SV2B: variants seen among roughly 807,000 people sequenced by gnomAD.
SV2B encodes the protein synaptic vesicle glycoprotein 2B.
In SV2B, 41 loss-of-function variants were observed where a neutral mutation model predicts 73.9. The observed-to-expected ratio is 0.56, with a 90% CI of 0.43 to 0.72. SV2B has a LOEUF of 0.72. SV2B is among the 30% of genes least tolerant of loss of function. The pLI is 0.00. For missense variants in SV2B, 764 were observed against 857.8 expected (o/e 0.89, Z 1.37); for synonymous variants, 314 against 314.2 (o/e 1.00, Z 0.01).
chr15:91,289,051 T>A lies in SV2B; in HGVS notation c.1709-470T>A, dbSNP rs2048955071. Among the ~76,000 whole-genome samples the A allele has an allele frequency of 6.6e-6, 1 of 152,220 alleles. No homozygotes were observed. The highest frequency in any genetic ancestry group is 6.5e-5 in the Admixed American group (1 of 15,288). On this transcript the variant is annotated intron_variant, in intron 11 of 12. Coordinates refer to ENST00000394232, the MANE Select transcript of SV2B (RefSeq NM_001323032.3). The surrounding 1 kb of genome is among the most constrained non-coding windows in gnomAD (Gnocchi z 4.9). ...ACTCATCTGTTGATGGCCACTTAGG[T>A]TGACTCCATATTTTGACTATTGTGA...
At position 91,157,045 on chromosome 15, in the gene SV2B, C is replaced by G. The variant is rs1467497417; in HGVS notation, c.-392+56682C>G. Reference sequence around the variant, plus strand: ...ACTCCCAGCTGTAGACTAAGTCAGTCAGGGAATGGTTAAGGCCCTGTGCGT... The same window carrying G: ...ACTCCCAGCTGTAGACTAAGTCAGTGAGGGAATGGTTAAGGCCCTGTGCGT... On this transcript the variant is annotated intron_variant, in intron 1 of 12. Coordinates refer to ENST00000394232, the MANE Select transcript of SV2B (RefSeq NM_001323032.3). Among the ~76,000 whole-genome samples, 5 of 152,200 alleles carry G rather than the reference C, an allele frequency of 3.3e-5. No homozygotes were observed. The East Asian group carries it at 9.6e-4, about 29-fold the overall frequency.
chr15:91,250,606 A>C (rs1284559098), intron 2 of SV2B, among the ~76,000 whole-genome samples: 1 of 152,218 alleles, frequency 6.6e-6, no homozygotes, highest in Non-Finnish European at 1.5e-5. Flanking sequence ...ACAAATAAAC[A>C]AATTCAGTAA....
At chr15:91,111,643 G>A (rs1301130648) in intron 1 of SV2B, among the ~76,000 whole-genome samples, 1 of 152,174 alleles carries the variant, frequency 6.6e-6, no homozygotes, top group Non-Finnish European at 1.5e-5. Context: ...ATGCATGGTT[G>A]ATTTTGGAAC....
chr15:91,167,524 C>T (rs760991439), intron 1 of SV2B, among the ~76,000 whole-genome samples: 9 of 152,138 alleles, frequency 5.9e-5, no homozygotes, highest in Admixed American at 1.3e-4. Context: ...CCCCTTTCTC[C>T]ATCTGCAAAA....
At chr15:91,233,618 A>G (rs2046667288) in intron 2 of SV2B, among the ~76,000 whole-genome samples, 1 of 152,182 alleles carries the variant, frequency 6.6e-6, no homozygotes, top group Non-Finnish European at 1.5e-5. Context: ...ATGTGTGGGA[A>G]GACTGATGAA....
At chr15:91,260,255 C>A (rs1237304016) in intron 5 of SV2B, 65 bp from the exon 6 acceptor site, 7 of 1,416,190 alleles carry the variant, frequency 4.9e-6, no homozygotes, top group African/African-American at 4.3e-5. Flanking sequence ...GGATTTTCCA[C>A]CCCTAATGAA....
At chr15:91,177,479 G>T (rs959724225) in intron 1 of SV2B, among the ~76,000 whole-genome samples, 16 of 150,996 alleles carry the variant, frequency 1.1e-4, no homozygotes, top group Non-Finnish European at 1.0e-4. Context: ...AAATTACCTT[G>T]GGCAGTATGG....
chr15:91,110,026 G>A lies in SV2B; in HGVS notation c.-392+9663G>A, dbSNP rs150813901. ...AGGCATGAACCACTGCATCCACCTC[G>A]GAAATAGCTTATTTGGGTGGATAAA... is the stretch of plus-strand genomic sequence containing the variant. On this transcript the variant is annotated intron_variant, in intron 1 of 12. Coordinates refer to ENST00000394232, the MANE Select transcript of SV2B (RefSeq NM_001323032.3). This position sits in a 1 kb window ranked among gnomAD's most constrained non-coding sequence, Gnocchi z 5.4. Among the ~76,000 whole-genome samples, 20 of 152,188 alleles carry A rather than the reference G, an allele frequency of 1.3e-4. No individual in the cohort carries two copies. Among genetic ancestry groups the A allele is most frequent in the East Asian group, 1.2e-3 (6 of 5,158 alleles).
At chr15:91,225,770 A>G (rs1380734406) in intron 1 of SV2B, 103 bp from the exon 2 acceptor site, 1 of 159,524 alleles carries the variant, frequency 6.3e-6, no homozygotes, top group East Asian at 1.9e-4. Flanking sequence ...CACCTTACAC[A>G]TGAGGCATTG....
intron 9 of SV2B, among the ~76,000 whole-genome samples, chr15:91,274,541 A>T (rs1266479570): frequency 6.6e-6 from 1 of 152,182 alleles, no homozygotes; most frequent in Non-Finnish European, 1.5e-5. Context: ...ATTATATTTT[A>T]AAAGTTTTAC....
chr15:91,246,943 A>G (rs889722963), intron 2 of SV2B, among the ~76,000 whole-genome samples: 2 of 152,184 alleles, frequency 1.3e-5, no homozygotes, highest in African/African-American at 4.8e-5. Context: ...TGATAACTCC[A>G]CTGCACTCTA....
At chr15:91,266,936 AT>A in intron 7 of SV2B, 1 of 370,366 alleles carries the variant, frequency 2.7e-6, no homozygotes, top group Non-Finnish European at 4.8e-6. Flanking sequence ...CAAGGCAGGG[AT>A]TTTGAATGTA....
At chr15:91,126,036 A>G (rs1323266074) in intron 1 of SV2B, among the ~76,000 whole-genome samples, 4 of 152,108 alleles carry the variant, frequency 2.6e-5, no homozygotes, top group Non-Finnish European at 5.9e-5. Flanking sequence ...CACAAATCTA[A>G]AGAAAGAACA....
Position 91,288,629 on chromosome 15 carries a change from T to C in SV2B, c.1709-892T>C, listed in dbSNP as rs189486583. On this transcript the variant is annotated intron_variant, in intron 11 of 12. Coordinates refer to ENST00000394232, the MANE Select transcript of SV2B (RefSeq NM_001323032.3). This position sits in a 1 kb window ranked among gnomAD's most constrained non-coding sequence, Gnocchi z 5.8. ...TTCTTCTCCTTCCTCTCTCTCTCTT[T>C]CTCTCTTCTTTCTTTCTCTCTCTCT... 6.6e-6 allele frequency among the ~76,000 whole-genome samples: 1 copy of C among 151,960 alleles called. No homozygotes were observed. The highest frequency in any genetic ancestry group is 1.5e-5 in the Non-Finnish European group (1 of 67,946).
intron 1 of SV2B, among the ~76,000 whole-genome samples, chr15:91,202,748 A>G (rs1203154567): frequency 1.3e-5 from 2 of 152,148 alleles, no homozygotes; most frequent in Non-Finnish European, 2.9e-5. Flanking sequence ...CTACAGTCTC[A>G]ACACTCCAGG....
At chr15:91,270,848 G>A (rs2048276341) in intron 9 of SV2B, among the ~76,000 whole-genome samples, 3 of 133,474 alleles carry the variant, frequency 2.2e-5, no homozygotes, top group African/African-American at 8.9e-5. Context: ...ATGGGGGGAC[G>A]GTGAATCCTG....
At chr15:91,176,646 G>C (rs1002696119) in intron 1 of SV2B, among the ~76,000 whole-genome samples, 2 of 151,922 alleles carry the variant, frequency 1.3e-5, no homozygotes, top group African/African-American at 4.8e-5. Context: ...GGCCAGTGAT[G>C]ATGAGCATTT....
intron 1 of SV2B, among the ~76,000 whole-genome samples, chr15:91,150,370 T>A (rs1347686937): frequency 6.6e-6 from 1 of 152,222 alleles, no homozygotes; most frequent in Non-Finnish European, 1.5e-5. Context: ...TTTGGTGTCA[T>A]ATTCCTGAGT....
chr15:91,147,957 C>G lies in SV2B; in HGVS notation c.-392+47594C>G, dbSNP rs925527216. On this transcript the variant is annotated intron_variant, in intron 1 of 12. Coordinates refer to ENST00000394232, the MANE Select transcript of SV2B (RefSeq NM_001323032.3). ...TTCTGTTTGTTCCCCACCCCGCACC[C>G]CCCCCAACTTTTTTTTTTTTTTTTT... 4.1e-5 allele frequency among the ~76,000 whole-genome samples: 6 copies of G among 147,992 alleles called. No homozygotes were observed. In the East Asian group the frequency reaches 1.0e-3, roughly 25 times the overall value.
Sources: gnomAD v4.1 joint callset for allele counts (sites outside exome capture counted in the v4.1 genomes callset) on GRCh38, gnomAD v4.1.1 for gene constraint, Gnocchi (gnomAD v3.1) non-coding constraint, MANE v1.5 for transcripts, NCBI Gene and HGNC (gene_info 2026-07-23, HGNC 2026-07-21) for gene names.